The following ASIC2 variants were observed in gnomAD, a reference collection of about 807,000 sequenced individuals.
The protein encoded by ASIC2 is acid sensing ion channel subunit 2.
Under a neutral mutation model 57.3 loss-of-function variants are expected in ASIC2, and 25 were observed. The ratio of observed to expected loss-of-function variants is 0.44; its 90% CI spans 0.32 to 0.61. The LOEUF is 0.61. ASIC2 is among the 20% of genes least tolerant of loss of function. ASIC2 has a pLI of 0.06. For synonymous variants in ASIC2, 319 were observed against 307.5 expected, an observed-to-expected ratio of 1.04 and a Z score of -0.39; for missense variants, 641 against 738.1, an observed-to-expected ratio of 0.87 and a Z score of 1.52.
Position 33,841,425 on chromosome 17 carries a change from C to T in ASIC2, c.555+314553G>A, listed in dbSNP as rs1340906482. 3.9e-5 allele frequency among the ~76,000 whole-genome samples: 6 copies of T among 152,170 alleles called. No homozygotes were observed. In the East Asian group the frequency reaches 1.2e-3, roughly 29 times the overall value. On this transcript the variant is annotated intron_variant, in intron 1 of 9. Transcript: ENST00000359872. ...GGCTTTAAGCCTAAAGTGCTGGAGGCTATTAGCCACCTGAGGCAAGGCAGT... is the reference window on the plus strand; with the variant it reads ...GGCTTTAAGCCTAAAGTGCTGGAGGTTATTAGCCACCTGAGGCAAGGCAGT...
At chr17:34,059,978 C>T (rs988760397) in intron 1 of ASIC2, among the ~76,000 whole-genome samples, 1 of 152,200 alleles carries the variant, frequency 6.6e-6, no homozygotes, top group African/African-American at 2.4e-5. Flanking sequence ...CCAGACCCCT[C>T]TCTACACTAC....
At chr17:33,751,982 G>A (rs1910450060) in intron 1 of ASIC2, among the ~76,000 whole-genome samples, 1 of 151,844 alleles carries the variant, frequency 6.6e-6, no homozygotes, top group Admixed American at 6.6e-5. Context: ...TTATACTTTG[G>A]TTTTACTCTT....
intron 1 of ASIC2, among the ~76,000 whole-genome samples, chr17:34,124,921 A>G (rs576818193): frequency 1.3e-5 from 2 of 151,292 alleles, no homozygotes; most frequent in African/African-American, 4.9e-5. Context: ...GGGATCACCA[A>G]CATGTAGTCC....
chr17:33,322,757 G>A (rs1906919806), intron 1 of ASIC2, among the ~76,000 whole-genome samples: 1 of 152,046 alleles, frequency 6.6e-6, no homozygotes, highest in Admixed American at 6.6e-5. Context: ...AGCAGAGGGA[G>A]CAAAGAGAAG....
At chr17:33,501,533 G>GCTAA (rs1241973494) in intron 1 of ASIC2, among the ~76,000 whole-genome samples, 2 of 152,220 alleles carry the variant, frequency 1.3e-5, no homozygotes, top group African/African-American at 2.4e-5. Context: ...ACCTGTTAGT[G>GCTAA]CTAAGGTCCA....
At chr17:33,734,335 G>A (rs892282914) in intron 1 of ASIC2, among the ~76,000 whole-genome samples, 1 of 152,012 alleles carries the variant, frequency 6.6e-6, no homozygotes, top group African/African-American at 2.4e-5. Flanking sequence ...TTCCCCCCGG[G>A]CTCCCACGTG....
intron 1 of ASIC2, among the ~76,000 whole-genome samples, chr17:33,737,813 C>T (rs1046809081): frequency 1.3e-5 from 2 of 152,242 alleles, no homozygotes; most frequent in East Asian, 1.9e-4. Context: ...TGCACAAAAG[C>T]CCCAATTAGA....
intron 1 of ASIC2, among the ~76,000 whole-genome samples, chr17:33,502,608 G>A (rs1914133835): frequency 6.6e-6 from 1 of 152,170 alleles, no homozygotes; most frequent in Non-Finnish European, 1.5e-5. Flanking sequence ...GTCAACGACT[G>A]GAGTAGACCT....
chr17:33,557,901 C>A (rs981356299), intron 1 of ASIC2, among the ~76,000 whole-genome samples: 1 of 152,156 alleles, frequency 6.6e-6, no homozygotes, highest in Non-Finnish European at 1.5e-5. Flanking sequence ...TTGGCAGTAA[C>A]CTTCCAACTG....
chr17:33,652,364 G>A (rs1039187190), intron 1 of ASIC2, among the ~76,000 whole-genome samples: 1 of 152,160 alleles, frequency 6.6e-6, no homozygotes, highest in Non-Finnish European at 1.5e-5. Flanking sequence ...TTGTGCAAGA[G>A]GCATTAATAG....
rs184719929 is a variant in ASIC2, at chr17:33,247,206, A to G, written c.708+44202T>C. Among the ~76,000 whole-genome samples, 360 of 152,344 alleles carry G rather than the reference A, an allele frequency of 2.4e-3. 1 individual carries two copies. The highest frequency in any genetic ancestry group is 8.2e-3 in the African/African-American group (343 of 41,582). On this transcript the variant is annotated intron_variant, in intron 1 of 9. Coordinates refer to ENST00000225823, the MANE Select transcript of ASIC2 (RefSeq NM_183377.2). ...TACATGGGGTGGGTGTTCAGAAATC[A>G]TAGCCAGTGGTGAGTTAGGTGGTGA...
chr17:33,643,921 C>T (rs1432800065), intron 1 of ASIC2, among the ~76,000 whole-genome samples: 1 of 152,156 alleles, frequency 6.6e-6, no homozygotes, highest in African/African-American at 2.4e-5. Flanking sequence ...CCCAACATGA[C>T]TTTAGCTGGT....
At chr17:33,252,216 G>A (rs142670797) in intron 1 of ASIC2, among the ~76,000 whole-genome samples, 210 of 152,264 alleles carry the variant, frequency 1.4e-3, no homozygotes, top group African/African-American at 4.6e-3. Flanking sequence ...AAACTGCACC[G>A]AGTTCTTTCA....
intron 1 of ASIC2, chr17:34,039,537 C>T: frequency 4.3e-6 from 7 of 1,613,922 alleles, no homozygotes; most frequent in Middle Eastern, 1.7e-4. Context: ...AGGAATGTTG[C>T]AGTGAGGATC....
chr17:33,097,440 T>C (rs962262771), intron 2 of ASIC2, among the ~76,000 whole-genome samples: 2 of 152,224 alleles, frequency 1.3e-5, no homozygotes, highest in African/African-American at 4.8e-5. Context: ...CCCGGGGCCA[T>C]TGACTCACGG....
chr17:33,342,776 CT>C (rs1285334359), intron 1 of ASIC2, among the ~76,000 whole-genome samples: 1 of 152,166 alleles, frequency 6.6e-6, no homozygotes, highest in Non-Finnish European at 1.5e-5. Flanking sequence ...CTCAGATCTT[CT>C]CCACAGCTGC....
chr17:33,994,711 T>C (rs531838556), intron 1 of ASIC2, among the ~76,000 whole-genome samples: 5 of 152,290 alleles, frequency 3.3e-5, no homozygotes, highest in South Asian at 2.1e-4. Flanking sequence ...TCCAGTGGTA[T>C]CTAGTGGTCT....
chr17:33,392,434 A>G (rs1417671674), intron 1 of ASIC2, among the ~76,000 whole-genome samples: 1 of 151,504 alleles, frequency 6.6e-6, no homozygotes, highest in Non-Finnish European at 1.5e-5. Flanking sequence ...CAGCTAATTT[A>G]TTGTATTTTT....
intron 1 of ASIC2, among the ~76,000 whole-genome samples, chr17:33,891,289 G>A (rs1914954443): frequency 6.6e-6 from 1 of 152,172 alleles, no homozygotes; most frequent in African/African-American, 2.4e-5. Context: ...ACTATCTGAA[G>A]AACACATAGT....
Sources: allele counts gnomAD v4.1 joint callset (sites outside exome capture counted in the v4.1 genomes callset), GRCh38; gene constraint gnomAD v4.1.1; transcripts MANE v1.5; gene names NCBI Gene and HGNC (gene_info 2026-07-23, HGNC 2026-07-21).